Variants in NRG1 observed in about 807,000 individuals in gnomAD.
The protein encoded by NRG1 is neuregulin 1.
In NRG1, 18 loss-of-function variants were observed where a neutral mutation model predicts 63.8. The observed-to-expected ratio is 0.28, with a 90% confidence interval of 0.19 to 0.42. The LOEUF is 0.42. Ranked by LOEUF, NRG1 falls within the 10% of genes least tolerant of loss-of-function variation. The probability of loss-of-function intolerance (pLI) is 1.00; values close to 1 mark genes in which losing one functional copy is unlikely to be tolerated. For synonymous variants in NRG1, 302 were observed against 301.3 expected (o/e 1.00, Z -0.02); for missense variants, 762 against 814.7 (o/e 0.94, Z 0.79).
At chr8:31,708,294 C>A (rs1201777953) in intron 1 of NRG1, among the ~76,000 whole-genome samples, 6 of 152,150 alleles carry the variant, frequency 3.9e-5, no homozygotes, top group Non-Finnish European at 5.9e-5. Flanking sequence ...GATGGCAACC[C>A]AGCCTCAACT....
intron 1 of NRG1, among the ~76,000 whole-genome samples, chr8:32,563,118 C>G (rs1003115025): frequency 1.3e-5 from 2 of 152,072 alleles, no homozygotes; most frequent in East Asian, 1.9e-4. Context: ...ACATTATGAG[C>G]TTTTTTGTGA....
intron 1 of NRG1, among the ~76,000 whole-genome samples, chr8:32,066,152 T>C (rs10808319): frequency 0.93 from 141,272 of 151,498 alleles, 66,095 homozygotes; most frequent in Non-Finnish European, 0.99. Flanking sequence ...TTCATTCTGA[T>C]GGTAGTTTCT....
At chr8:31,653,270 A>G (rs991368317) in intron 1 of NRG1, among the ~76,000 whole-genome samples, 1 of 152,046 alleles carries the variant, frequency 6.6e-6, no homozygotes. Flanking sequence ...GGCAAGTACT[A>G]TGTCTTACTT....
chr8:31,679,156 T>C (rs1245526397), intron 1 of NRG1, among the ~76,000 whole-genome samples: 1 of 152,072 alleles, frequency 6.6e-6, no homozygotes, highest in Non-Finnish European at 1.5e-5. Flanking sequence ...TCTGTTTCCT[T>C]TCCTCCCTCA....
intron 1 of NRG1, among the ~76,000 whole-genome samples, chr8:31,742,881 A>G (rs1338634060): frequency 6.6e-6 from 1 of 151,950 alleles, no homozygotes; most frequent in African/African-American, 2.4e-5. Context: ...TGTTGACAGA[A>G]CTCAATGGCA....
chr8:31,771,687 C>G (rs1042170472), intron 1 of NRG1, among the ~76,000 whole-genome samples: 1 of 152,078 alleles, frequency 6.6e-6, no homozygotes, highest in Non-Finnish European at 1.5e-5. Flanking sequence ...TGCCCAAGTT[C>G]TAAAAAACCC....
At chr8:31,838,055 C>T (rs1367465500) in intron 1 of NRG1, among the ~76,000 whole-genome samples, 1 of 152,042 alleles carries the variant, frequency 6.6e-6, no homozygotes, top group African/African-American at 2.4e-5. Context: ...ATACTGTTTT[C>T]CACAATGGTA....
At chr8:31,821,411 C>A (rs1216865267) in intron 1 of NRG1, among the ~76,000 whole-genome samples, 1 of 152,138 alleles carries the variant, frequency 6.6e-6, no homozygotes, top group African/African-American at 2.4e-5. Flanking sequence ...ATTTCCCATC[C>A]TTTTATGGAA....
chr8:32,451,914 C>T (rs1197113008), intron 1 of NRG1, among the ~76,000 whole-genome samples: 1 of 152,140 alleles, frequency 6.6e-6, no homozygotes, highest in African/African-American at 2.4e-5. Flanking sequence ...CAGCCTCCAC[C>T]TCCCAGGTTC....
chr8:31,647,533 A>G (rs1804406337), intron 1 of NRG1, among the ~76,000 whole-genome samples: 1 of 152,196 alleles, frequency 6.6e-6, no homozygotes, highest in Non-Finnish European at 1.5e-5. Flanking sequence ...GGAGCTGTCT[A>G]CTGAGAAGGA....
intron 1 of NRG1, among the ~76,000 whole-genome samples, chr8:32,322,194 A>C (rs1046207328): frequency 2.0e-5 from 3 of 151,758 alleles, no homozygotes; most frequent in African/African-American, 7.2e-5. Context: ...ATCTCTAAAA[A>C]AAAAGAAAAA....
At chr8:32,346,188 AAT>A (rs1361247813) in intron 1 of NRG1, among the ~76,000 whole-genome samples, 3 of 147,354 alleles carry the variant, frequency 2.0e-5, no homozygotes, top group Non-Finnish European at 4.5e-5. Flanking sequence ...TATACAGATG[AAT>A]AGTTATATAT....
chr8:32,100,493 G>A (rs903921960), intron 1 of NRG1, among the ~76,000 whole-genome samples: 39 of 151,970 alleles, frequency 2.6e-4, no homozygotes, highest in African/African-American at 8.9e-4. Context: ...TCCAGACCCC[G>A]TGGTCTTCTG....
exon 12 of NRG1, chr8:32,767,537 G>A (rs1831522639): frequency 2.0e-5 from 3 of 151,994 alleles, no homozygotes; most frequent in Non-Finnish European, 4.4e-5. Context: ...ATATTACTTG[G>A]ATGTTTTCTT....
At chr8:32,651,044 T>A (rs1254380139) in intron 5 of NRG1, among the ~76,000 whole-genome samples, 1 of 152,164 alleles carries the variant, frequency 6.6e-6, no homozygotes, top group Non-Finnish European at 1.5e-5. Flanking sequence ...TACCTACTAA[T>A]GTTAGAGTTT....
intron 1 of NRG1, among the ~76,000 whole-genome samples, chr8:31,938,134 C>A (rs1253204149): frequency 6.6e-6 from 1 of 152,148 alleles, no homozygotes; most frequent in Non-Finnish European, 1.5e-5. Flanking sequence ...AAAAACACAA[C>A]CAAGGACCTC....
At chr8:32,034,254 A>G (rs1818701042) in intron 1 of NRG1, among the ~76,000 whole-genome samples, 1 of 152,284 alleles carries the variant, frequency 6.6e-6, no homozygotes, top group Non-Finnish European at 1.5e-5. Flanking sequence ...AATTATGTTT[A>G]TTGATTTGCA....
At chr8:32,672,717 C>T (rs542130700) in intron 5 of NRG1, among the ~76,000 whole-genome samples, 1 of 152,200 alleles carries the variant, frequency 6.6e-6, no homozygotes, top group South Asian at 2.1e-4. Context: ...AACAATCTTG[C>T]AATATTGACC....
chr8:32,096,291 A>T (rs899296882), intron 1 of NRG1, among the ~76,000 whole-genome samples: 4 of 152,178 alleles, frequency 2.6e-5, no homozygotes, highest in African/African-American at 9.7e-5. Flanking sequence ...TATTTTAAAA[A>T]TTTTTCGTTG....
Sources: allele counts gnomAD v4.1 joint callset (sites outside exome capture counted in the v4.1 genomes callset), GRCh38; gene constraint gnomAD v4.1.1; transcripts MANE v1.5; gene names NCBI Gene and HGNC (gene_info 2026-07-23, HGNC 2026-07-21).